Variants in PTPN12 observed in about 807,000 individuals in gnomAD.
The protein encoded by PTPN12 is tyrosine-protein phosphatase non-receptor type 12.
In PTPN12, 29 loss-of-function variants were observed where a neutral mutation model predicts 97.6. The observed-to-expected ratio is 0.30, with a 90% CI of 0.22 to 0.41. The LOEUF (loss-of-function observed/expected upper bound fraction) is 0.41. PTPN12 is among the 10% of genes least tolerant of loss of function. The pLI is 1.00. For missense variants in PTPN12, 819 were observed against 926.0 expected, an observed-to-expected ratio of 0.88 and a Z score of 1.50; for synonymous variants, 327 against 300.4, an observed-to-expected ratio of 1.09 and a Z score of -0.91.
At chr7:77,609,742 G>A (rs939169487) in intron 9 of PTPN12, among the ~76,000 whole-genome samples, 2 of 151,970 alleles carry the variant, frequency 1.3e-5, no homozygotes, top group Non-Finnish European at 2.9e-5. Context: ...ATCGCCAGGC[G>A]TAGTGGCGGG....
At chr7:77,611,155 C>A in intron 11 of PTPN12, 109 bp downstream of exon 11, 1 of 788,222 alleles carries the variant, frequency 1.3e-6, no homozygotes, top group South Asian at 1.8e-5. Flanking sequence ...AGAAGAATAT[C>A]CAGGACACTT....
intron 1 of PTPN12, among the ~76,000 whole-genome samples, chr7:77,539,794 A>T (rs1347457380): frequency 4.6e-5 from 7 of 151,922 alleles, no homozygotes; most frequent in Admixed American, 4.6e-4. Context: ...ACGCCCGGCT[A>T]ATTTTTGTCC....
chr7:77,537,558 G>A lies in PTPN12; in HGVS notation c.12G>A (p.Val4=). MEQ[V]EILRKFIQRV... is the part of the protein sequence containing the mutation. ...GGGGACGCGGGAGGATGGAGCAAGT[G>A]GAGATCCTGAGGAAATTCATCCAGA... Residue 4 remains valine, a synonymous_variant, in exon 1 of 18, where the codon GTG becomes GTA. Transcript: ENST00000248594. The A allele has an allele frequency of 3.1e-6, 5 of 1,598,392 alleles. No homozygotes were observed. The East Asian group carries it at 9.3e-5, about 30-fold the overall frequency.
chr7:77,594,687 A>G (rs139656599), intron 6 of PTPN12, among the ~76,000 whole-genome samples: 49 of 152,160 alleles, frequency 3.2e-4, no homozygotes, highest in African/African-American at 1.2e-3. Flanking sequence ...GTCTTTTTGT[A>G]GAGACGAGGT....
chr7:77,565,367 A>G (rs1473664529), intron 1 of PTPN12, among the ~76,000 whole-genome samples: 4 of 152,232 alleles, frequency 2.6e-5, no homozygotes, highest in African/African-American at 9.6e-5. Context: ...TATTTTTGCT[A>G]ACAAGATTTG....
At chr7:77,617,893 C>G (rs1162903267) in intron 11 of PTPN12, among the ~76,000 whole-genome samples, 1 of 152,152 alleles carries the variant, frequency 6.6e-6, no homozygotes, top group African/African-American at 2.4e-5. Context: ...GGGATGGGCT[C>G]TGTCTGCCTT....
chr7:77,563,993 T>C, intron 1 of PTPN12: 1 of 413,694 alleles, frequency 2.4e-6, no homozygotes, highest in Non-Finnish European at 4.8e-6. Context: ...CACTGCAACC[T>C]CAGCCTCCTG....
rs565628074 is a variant in PTPN12, at chr7:77,626,060, G to A, written c.1026-645G>A. On this transcript the variant is annotated intron_variant, in intron 12 of 17. Coordinates refer to ENST00000248594, the MANE Select transcript of PTPN12 (RefSeq NM_002835.4). ...GCAGGAGGCCAAAAGTTACTAACAAGGATGTCTGTGGTATTGATACTTACT... is the reference window on the plus strand; with the variant it reads ...GCAGGAGGCCAAAAGTTACTAACAAAGATGTCTGTGGTATTGATACTTACT... Among the ~76,000 whole-genome samples the A allele has an allele frequency of 8.3e-4, 126 of 152,224 alleles. 2 individuals carry two copies. The South Asian group carries it at 0.025, about 30-fold the overall frequency.
At chr7:77,589,055 G>A (rs1787783241) in intron 5 of PTPN12, among the ~76,000 whole-genome samples, 2 of 152,048 alleles carry the variant, frequency 1.3e-5, no homozygotes, top group Non-Finnish European at 2.9e-5. Context: ...TGTATTTTTA[G>A]TAGAGATGGG....
intron 1 of PTPN12, among the ~76,000 whole-genome samples, chr7:77,547,270 G>A (rs1441334567): frequency 6.6e-6 from 1 of 152,106 alleles, no homozygotes; most frequent in Admixed American, 6.5e-5. Flanking sequence ...TTGAAAACAT[G>A]GCAGTACTCT....
intron 12 of PTPN12, among the ~76,000 whole-genome samples, chr7:77,625,560 TCTCTC>T (rs1479982925): frequency 1.9e-5 from 1 of 53,648 alleles, no homozygotes; most frequent in African/African-American, 1.2e-4. Context: ...TCTCGCTCTC[TCTCTC>T]TTTTTTTTTT....
rs1021863753 is a variant in PTPN12, at chr7:77,632,392, A to G, written c.2041A>G (p.Thr681Ala). The G allele has an allele frequency of 3.1e-6, 5 of 1,611,104 alleles. No individual in the cohort carries two copies. The African/African-American group carries it at 5.4e-5, about 17-fold the overall frequency. ...TTCACCTCCTCCCCTACCTGAAAGA[A>G]CTCCTGAATCGTTTGTGTTAGCAAG... ...EDSPPPLPER[T>A]PESFVLASEH... Residue 681 changes from threonine (T) to alanine (A), a missense_variant, in exon 14 of 18, where the codon ACT (threonine) becomes GCT (alanine). By Grantham distance (58) the Thr-to-Ala change is moderately conservative (BLOSUM62 0). Coordinates refer to ENST00000248594, the MANE Select transcript of PTPN12 (RefSeq NM_002835.4).
At chr7:77,551,308 G>A (rs62477773) in intron 1 of PTPN12, among the ~76,000 whole-genome samples, 36,803 of 152,114 alleles carry the variant, frequency 0.24, 4,683 homozygotes, top group Non-Finnish European at 0.28. Context: ...TAATCCACCC[G>A]CCTTGGCCTC....
At chr7:77,632,547 A>G in intron 14 of PTPN12, 122 bp downstream of exon 14, 1 of 710,538 alleles carries the variant, frequency 1.4e-6, no homozygotes, top group Non-Finnish European at 2.4e-6. Flanking sequence ...AAGTAAATTG[A>G]TGTTGACATG....
intron 8 of PTPN12, among the ~76,000 whole-genome samples, chr7:77,603,928 G>A (rs188346630): frequency 1.7e-5 from 2 of 120,796 alleles, no homozygotes; most frequent in Non-Finnish European, 1.6e-5. Context: ...TTGCACTGTC[G>A]CCCGGGCTGG....
chr7:77,578,655 A>C (rs1787412584), intron 2 of PTPN12, among the ~76,000 whole-genome samples: 1 of 152,186 alleles, frequency 6.6e-6, no homozygotes, highest in African/African-American at 2.4e-5. Context: ...CTTTGCTAAG[A>C]AGTTTATTCA....
rs1789692992 is a variant in PTPN12 at position 77,638,672 on chromosome 7, C to T, written c.2222C>T (p.Pro741Leu). 1 of 1,607,634 alleles carries T rather than the reference C, an allele frequency of 6.2e-7. No individual in the cohort carries two copies. Among genetic ancestry groups the T allele is most frequent in the Admixed American group, 1.7e-5 (1 of 58,452 alleles). Residue 741 changes from proline to leucine, a missense_variant, in exon 17 of 18, where the codon CCT becomes CTT. By Grantham distance (98) the Pro-to-Leu change is moderately conservative (BLOSUM62 -3). Transcript: ENST00000248594. ...IHYEMCIECP[P>L]TFSDKREQIS... ...TATGAAATGTGCATAGAATGTCCAC[C>T]TACTTTCAGTGACAAGAGAGAACAA...
At chr7:77,611,453 C>G (rs1247294558) in intron 11 of PTPN12, among the ~76,000 whole-genome samples, 1 of 151,128 alleles carries the variant, frequency 6.6e-6, no homozygotes. Flanking sequence ...CTTTTCTTTT[C>G]TTTTTTTTGA....
rs76477174 is a variant in PTPN12, at chr7:77,636,726, AAATAC to A, written c.2143-287_2143-283del. ...CATGATGTAGTTTAATTGACATATA[AAATAC>A]AATAATGATATAATTAGTAATAGTG... On this transcript the variant is annotated intron_variant, in intron 15 of 17. Transcript: ENST00000248594. 3.2e-4 allele frequency: 74 copies of A among 233,726 alleles called. No individual in the cohort carries two copies. The East Asian group carries it at 4.9e-3, about 16-fold the overall frequency. 14.5% of individuals were successfully genotyped at this position (233,726 alleles called of 1,614,324 possible). A position where few individuals can be genotyped will look rare whatever the true frequency, so the allele number is the denominator to read the frequency against.
Sources: gnomAD v4.1 joint callset for allele counts (sites outside exome capture counted in the v4.1 genomes callset) on GRCh38, gnomAD v4.1.1 for gene constraint, MANE v1.5 for transcripts, NCBI Gene and HGNC (gene_info 2026-07-23, HGNC 2026-07-21) for gene names.